The following TENM2 variants were observed in gnomAD, a reference collection of about 807,000 sequenced individuals.
TENM2 encodes teneurin-2.
Under a neutral mutation model 245.2 loss-of-function variants are expected in TENM2, and 52 were observed. The observed-to-expected ratio is 0.21, with a 90% CI of 0.17 to 0.27. TENM2 has a LOEUF of 0.27. TENM2 is among the 10% of genes least tolerant of loss of function. TENM2 has a pLI of 1.00. For missense variants in TENM2, 3,046 were observed against 3,666.8 expected, an observed-to-expected ratio of 0.83 and a Z score of 4.37; for synonymous variants, 1,363 against 1,438.9, an observed-to-expected ratio of 0.95 and a Z score of 1.19.
chr5:167,885,689 T>C (rs562559096), intron 3 of TENM2, among the ~76,000 whole-genome samples: 2 of 152,160 alleles, frequency 1.3e-5, no homozygotes, highest in Non-Finnish European at 2.9e-5. Flanking sequence ...TACTGGTTTT[T>C]TGTTTTGTTT....
At chr5:167,396,823 G>A (rs944982248) in intron 2 of TENM2, among the ~76,000 whole-genome samples, 3 of 152,156 alleles carry the variant, frequency 2.0e-5, no homozygotes, top group Non-Finnish European at 4.4e-5. Flanking sequence ...TGACAAGGGC[G>A]AAGGCAGACA....
Position 168,047,469 on chromosome 5 carries a change from A to G in TENM2, c.1229A>G (p.Asp410Gly), listed in dbSNP as rs114898031. 31,268 of 1,551,690 alleles carry G rather than the reference A, an allele frequency of 0.02. 407 individuals are homozygous for G. The highest frequency in any genetic ancestry group is 0.024 in the Non-Finnish European group (27,171 of 1,146,982). ...CTCAATTGGCAACTCCAGCCTGCAGATGGGCACACCTTTAACAATGGGATA... is the reference window on the plus strand; with the variant it reads ...CTCAATTGGCAACTCCAGCCTGCAGGTGGGCACACCTTTAACAATGGGATA... The change falls in exon 6 of 29, where the codon GAT (aspartate) becomes GGT (glycine). Residue 410 changes from aspartate to glycine, a missense_variant. By Grantham distance (94) the Asp-to-Gly change is moderately conservative (BLOSUM62 -1). Around this residue, in one of 2 missense-constraint regions of TENM2, gnomAD observed 2,704 missense variants for 3,331.9 expected, o/e 0.81. Transcript: ENST00000518659.
intron 2 of TENM2, among the ~76,000 whole-genome samples, chr5:167,832,445 G>T (rs1050038433): frequency 2.0e-5 from 3 of 152,222 alleles, no homozygotes; most frequent in Non-Finnish European, 1.5e-5. Context: ...CCAGTTACAA[G>T]GAGTGTTCAG....
intron 2 of TENM2, among the ~76,000 whole-genome samples, chr5:167,566,168 T>C (rs1294643552): frequency 6.6e-6 from 1 of 152,138 alleles, no homozygotes; most frequent in East Asian, 1.9e-4. Flanking sequence ...TGATCATTCT[T>C]TTTGAGAGAG....
the TENM2 span, among the ~76,000 whole-genome samples, chr5:167,122,791 A>C: frequency 6.6e-6 from 1 of 152,128 alleles, no homozygotes; most frequent in Non-Finnish European, 1.5e-5. Context: ...TTCATCCTGA[A>C]AGGTGGGTTC....
At chr5:167,044,883 A>G in the TENM2 span, among the ~76,000 whole-genome samples, 3 of 152,212 alleles carry the variant, frequency 2.0e-5, no homozygotes, top group Non-Finnish European at 4.4e-5. Context: ...GCAAGAGAGA[A>G]GTTAGGCAAA....
At chr5:167,118,762 A>G in the TENM2 span, among the ~76,000 whole-genome samples, 12 of 152,132 alleles carry the variant, frequency 7.9e-5, no homozygotes, top group African/African-American at 2.4e-4. Flanking sequence ...AGGGGAGCAG[A>G]TATTGCCTAG....
chr5:167,054,369 C>G, the TENM2 span, among the ~76,000 whole-genome samples: 1 of 152,178 alleles, frequency 6.6e-6, no homozygotes, highest in East Asian at 1.9e-4. Context: ...TTTGATAGTT[C>G]ATTTCTTTTT....
rs754591588 is a variant in TENM2 at position 168,218,925 on chromosome 5, T to C, written c.5034T>C (p.Gly1678=). The change falls in exon 23 of 29, where the codon GGT becomes GGC. Residue 1678 remains glycine, a synonymous_variant. Transcript: ENST00000518659. This position sits in a 1 kb window ranked among gnomAD's most constrained non-coding sequence, Gnocchi z 5.2. ...TGTCCACACAGAACCTGGAGCTTGG[T>C]CTCATGACCTATGATGGCAACACTG... The C allele has an allele frequency of 1.1e-5, 17 of 1,613,984 alleles. No homozygotes were observed. The highest frequency in any genetic ancestry group is 2.2e-5 in the South Asian group (2 of 91,070).
At chr5:168,074,749 T>C (rs1474687105) in intron 7 of TENM2, among the ~76,000 whole-genome samples, 1 of 152,186 alleles carries the variant, frequency 6.6e-6, no homozygotes. Flanking sequence ...GCACCGGATG[T>C]CTTCTCTTCC....
chr5:167,408,878 T>G (rs924084169), intron 2 of TENM2, among the ~76,000 whole-genome samples: 30 of 150,492 alleles, frequency 2.0e-4, no homozygotes, highest in Non-Finnish European at 4.4e-5. Context: ...TGGCATAGCA[T>G]TTTATTATAT....
chr5:168,108,567 T>C (rs1460007893), intron 9 of TENM2, among the ~76,000 whole-genome samples: 2 of 152,254 alleles, frequency 1.3e-5, no homozygotes, highest in African/African-American at 4.8e-5. Context: ...CAATCATTCA[T>C]TGTTATTATT....
chr5:167,233,635 G>T, the TENM2 span, among the ~76,000 whole-genome samples: 14 of 152,112 alleles, frequency 9.2e-5, no homozygotes, highest in African/African-American at 3.1e-4. Context: ...ATAAGAAAAT[G>T]CTTGTTAACA....
chr5:168,232,991 G>T (rs140952532), intron 25 of TENM2, among the ~76,000 whole-genome samples: 1 of 152,072 alleles, frequency 6.6e-6, no homozygotes, highest in African/African-American at 2.4e-5. Context: ...CCTCCTTCCC[G>T]CATTGTCCTC....
intron 6 of TENM2, among the ~76,000 whole-genome samples, chr5:168,049,960 G>C (rs887865763): frequency 7.9e-5 from 12 of 151,932 alleles, no homozygotes; most frequent in Non-Finnish European, 5.9e-5. Flanking sequence ...GTGCCACCAC[G>C]CCTGGCTAAT....
At chr5:167,438,756 T>C (rs1398362863) in intron 2 of TENM2, among the ~76,000 whole-genome samples, 2 of 151,824 alleles carry the variant, frequency 1.3e-5, no homozygotes, top group East Asian at 3.9e-4. Context: ...TCATGTCAGG[T>C]ACTGCTATGA....
At chr5:167,700,949 T>TAAAAAAAA (rs781480259) in intron 2 of TENM2, among the ~76,000 whole-genome samples, 7 of 79,920 alleles carry the variant, frequency 8.8e-5, no homozygotes, top group Admixed American at 1.7e-4. Flanking sequence ...TTATATTTCT[T>TAAAAAAAA]AAAAAAAAAA....
intron 13 of TENM2, among the ~76,000 whole-genome samples, chr5:168,183,999 G>A (rs979447681): frequency 1.3e-5 from 2 of 152,026 alleles, no homozygotes; most frequent in Non-Finnish European, 2.9e-5. Context: ...AATTCACCTG[G>A]GGAACCAGGT....
At chr5:167,108,587 G>A in the TENM2 span, among the ~76,000 whole-genome samples, 20 of 152,268 alleles carry the variant, frequency 1.3e-4, no homozygotes, top group African/African-American at 2.4e-4. Flanking sequence ...CTGCAGTTTC[G>A]TCAGTAATTT....
Sources: allele counts gnomAD v4.1 joint callset (sites outside exome capture counted in the v4.1 genomes callset), GRCh38; gene constraint gnomAD v4.1.1; regional missense constraint gnomAD v4.1.1; non-coding constraint Gnocchi (gnomAD v3.1); transcripts MANE v1.5; gene names NCBI Gene and HGNC (gene_info 2026-07-23, HGNC 2026-07-21).